UBE2J1: variants seen among roughly 807,000 people sequenced by gnomAD.
The protein encoded by UBE2J1 is ubiquitin conjugating enzyme E2 J1, also known as ubiquitin-conjugating enzyme E2 J1.
UBE2J1 carries 17 observed loss-of-function variants against 42.1 expected under a neutral mutation model. The ratio of observed to expected loss-of-function variants is 0.40; its 90% confidence interval spans 0.28 to 0.61. UBE2J1 has a LOEUF of 0.61. Among genes scored for constraint, UBE2J1 ranks in the 20% least tolerant of loss-of-function variants. The pLI is 0.38. For missense variants in UBE2J1, 291 were observed against 389.4 expected (o/e 0.75, Z 2.13); for synonymous variants, 127 against 137.2 (o/e 0.93, Z 0.52).
At position 89,352,549 on chromosome 6, in the gene UBE2J1, C is replaced by G. The variant is rs568729388; in HGVS notation, c.21G>C (p.Leu7=). 1 of 1,571,424 alleles carries G rather than the reference C, an allele frequency of 6.4e-7. No individual in the cohort carries two copies. The highest frequency in any genetic ancestry group is 2.5e-5 in the East Asian group (1 of 39,924). Reference sequence around the variant, plus strand: ...CCCAGCCCTGCTCACCCGGACTCTTCAGGTTGTAGCGGGTCTCCATGGTGG... The same window carrying G: ...CCCAGCCCTGCTCACCCGGACTCTTGAGGTTGTAGCGGGTCTCCATGGTGG... The part of the protein sequence containing the change: METRYN[L]KSPAVKRLMK... Residue 7 remains leucine (L), a synonymous_variant, in exon 1 of 8, where the codon CTG becomes CTC. Coordinates refer to ENST00000435041, the MANE Select transcript of UBE2J1 (RefSeq NM_016021.3).
rs139129989 is a variant in UBE2J1, at chr6:89,330,828, C to A, written c.679-871G>T. Among the ~76,000 whole-genome samples the A allele has an allele frequency of 9.5e-3, 1,441 of 152,142 alleles. 17 individuals carry two copies. Among genetic ancestry groups the A allele is most frequent in the Middle Eastern group, 0.02 (6 of 294 alleles). ...TAAAAAATCACATTCTTAGTTAAGT[C>A]CCTAGTGATATATATATAAATTTTT... On this transcript the variant is annotated intron_variant, in intron 7 of 7. Coordinates refer to ENST00000435041, the MANE Select transcript of UBE2J1 (RefSeq NM_016021.3).
At chr6:89,348,267 A>C (rs1768399430) in intron 1 of UBE2J1, among the ~76,000 whole-genome samples, 1 of 152,188 alleles carries the variant, frequency 6.6e-6, no homozygotes, top group Non-Finnish European at 1.5e-5. Context: ...CTTCTTTCTT[A>C]TAGAGGCCAC....
At chr6:89,342,822 A>C (rs1325880378) in intron 2 of UBE2J1, among the ~76,000 whole-genome samples, 1 of 152,236 alleles carries the variant, frequency 6.6e-6, no homozygotes, top group African/African-American at 2.4e-5. Context: ...TTATTTTAAC[A>C]AATCTTTAAA....
At chr6:89,352,513 C>T (rs751819683) in intron 1 of UBE2J1, 26 bp downstream of exon 1, 1 of 1,561,036 alleles carries the variant, frequency 6.4e-7, no homozygotes, top group Admixed American at 1.8e-5. Flanking sequence ...CCGCCCTCCT[C>T]GCCCAGGGGC....
intron 1 of UBE2J1, among the ~76,000 whole-genome samples, chr6:89,346,167 A>G (rs1768361813): frequency 6.6e-6 from 1 of 151,990 alleles, no homozygotes; most frequent in Non-Finnish European, 1.5e-5. Flanking sequence ...GGGAATCAGC[A>G]TGCCTGGCCA....
chr6:89,328,929 G>A lies in UBE2J1; in HGVS notation c.*750C>T, dbSNP rs1333132102. ...TTTAACTTCTGGAAGAAAACCAAGC[G>A]ATCTCCTGGCTTGGGCCCTTTCTTC... On this transcript the variant is annotated 3_prime_UTR_variant, in exon 8 of 8. Coordinates refer to ENST00000435041, the MANE Select transcript of UBE2J1 (RefSeq NM_016021.3). 1 of 152,096 alleles carries A rather than the reference G, an allele frequency of 6.6e-6. No individual in the cohort carries two copies. Among genetic ancestry groups the A allele is most frequent in the Non-Finnish European group, 1.5e-5 (1 of 68,020 alleles). The allele number at this position is 152,096 out of a possible 1,614,324, so 9.4% of individuals were successfully genotyped here.
chr6:89,339,068 AG>A (rs1768179727), intron 3 of UBE2J1, among the ~76,000 whole-genome samples: 1 of 152,080 alleles, frequency 6.6e-6, no homozygotes, highest in Non-Finnish European at 1.5e-5. Flanking sequence ...AGCTGTTTTT[AG>A]AAGGTGTTTT....
At chr6:89,340,227 G>T (rs1372977907) in intron 3 of UBE2J1, among the ~76,000 whole-genome samples, 2 of 152,180 alleles carry the variant, frequency 1.3e-5, no homozygotes, top group South Asian at 2.1e-4. Context: ...AAAAAGAAGT[G>T]AACCAGAAAG....
In UBE2J1 at chr6:89,338,293, C is replaced by G; in HGVS notation, c.340G>C (p.Ala114Pro). 6.2e-7 allele frequency: 1 copy of G among 1,613,370 alleles called. No individual in the cohort carries two copies. The highest frequency in any genetic ancestry group is 8.5e-7 in the Non-Finnish European group (1 of 1,179,652). Residue 114 changes from alanine (A) to proline (P), a missense_variant, in exon 5 of 8, where the codon GCC becomes CCC. This residue lies in a region of UBE2J1 where 115 missense variants were observed against 193.1 expected (regional missense o/e 0.60). Transcript: ENST00000435041. ...TTTGTTGGCATAAACCCAATGATGG[C>G]TAATAATGCTGTCCTTACTGAAATA... ...PSWSIRTALLAIIGFMPTKGE... is the reference protein window; with the variant it reads ...PSWSIRTALLPIIGFMPTKGE...
rs1768503714 is a variant in UBE2J1, at chr6:89,352,424, C to T, written c.31+115G>A. 1.8e-5 allele frequency: 22 copies of T among 1,256,730 alleles called. No homozygotes were observed. The South Asian group carries it at 2.2e-4, about 12-fold the overall frequency. The allele number at this position is 1,256,730 out of a possible 1,614,324, so 77.8% of individuals were successfully genotyped here. On this transcript the variant is annotated intron_variant, in intron 1 of 7. Coordinates refer to ENST00000435041, the MANE Select transcript of UBE2J1 (RefSeq NM_016021.3). ...GCAGGCGGCGGTCTCGCGTAGAGCG[C>T]GAAACCAGGAGCTGAGCCGCGAGTG... is the stretch of plus-strand genomic sequence containing the variant.
intron 4 of UBE2J1, 52 bp from the exon 5 acceptor site, chr6:89,338,362 G>T: frequency 6.3e-7 from 1 of 1,581,874 alleles, no homozygotes; most frequent in Non-Finnish European, 8.7e-7. Flanking sequence ...AAGCAACTGG[G>T]TTTATTCTGG....
intron 1 of UBE2J1, among the ~76,000 whole-genome samples, chr6:89,344,276 C>T (rs1768316139): frequency 6.6e-6 from 1 of 152,038 alleles, no homozygotes; most frequent in South Asian, 2.1e-4. Context: ...CAGGAAACAC[C>T]TCTATATCCT....
rs759852636 is a variant in UBE2J1 at position 89,333,067 on chromosome 6, T to G, written c.678+19A>C. The stretch of plus-strand genomic sequence containing the variant: ...TAATGATAGAGACATACATATATAT[T>G]AAAAGATAAGAGCCATACCGATGTA... On this transcript the variant is annotated intron_variant, in intron 7 of 7. Coordinates refer to ENST00000435041, the MANE Select transcript of UBE2J1 (RefSeq NM_016021.3). The G allele has an allele frequency of 3.2e-6, 5 of 1,578,570 alleles. No homozygotes were observed. In the African/African-American group the frequency reaches 5.5e-5, roughly 17 times the overall value.
chr6:89,334,035 A>T (rs1768061292), intron 6 of UBE2J1, among the ~76,000 whole-genome samples: 1 of 152,066 alleles, frequency 6.6e-6, no homozygotes, highest in Non-Finnish European at 1.5e-5. Flanking sequence ...ATGGAGTCTC[A>T]CTCTGTCACC....
At chr6:89,346,284 T>A (rs1768363946) in intron 1 of UBE2J1, among the ~76,000 whole-genome samples, 1 of 152,182 alleles carries the variant, frequency 6.6e-6, no homozygotes, top group Non-Finnish European at 1.5e-5. Flanking sequence ...GATCATCAAC[T>A]ATTTCTTGAG....
chr6:89,348,682 G>A (rs149558893), intron 1 of UBE2J1, among the ~76,000 whole-genome samples: 33 of 152,286 alleles, frequency 2.2e-4, no homozygotes, highest in East Asian at 1.2e-3. Flanking sequence ...CTTGTCTTCC[G>A]TAACAGTCAG....
intron 1 of UBE2J1, among the ~76,000 whole-genome samples, chr6:89,348,061 C>G (rs895449816): frequency 9.9e-5 from 15 of 152,210 alleles, no homozygotes; most frequent in Admixed American, 3.9e-4. Flanking sequence ...GTTCACAGTG[C>G]TGCCTGGCAA....
chr6:89,349,591 G>A (rs1042457063), intron 1 of UBE2J1, among the ~76,000 whole-genome samples: 3 of 152,104 alleles, frequency 2.0e-5, no homozygotes, highest in Non-Finnish European at 4.4e-5. Context: ...GTTTAGGGGA[G>A]GAGAAGAAAA....
At chr6:89,331,456 ACTT>A (rs1243018910) in intron 7 of UBE2J1, among the ~76,000 whole-genome samples, 5 of 152,154 alleles carry the variant, frequency 3.3e-5, no homozygotes, top group African/African-American at 1.2e-4. Context: ...ATTTACTTAA[ACTT>A]CTTGATTTAT....
Sources: allele counts gnomAD v4.1 joint callset (sites outside exome capture counted in the v4.1 genomes callset), GRCh38; gene constraint gnomAD v4.1.1; regional missense constraint gnomAD v4.1.1; transcripts MANE v1.5; gene names NCBI Gene and HGNC (gene_info 2026-07-23, HGNC 2026-07-21).